FRMD4B: variants seen among roughly 807,000 people sequenced by gnomAD.
FRMD4B encodes the protein FERM domain-containing protein 4B.
In FRMD4B, 74 loss-of-function variants were observed where a neutral mutation model predicts 141.5. The observed-to-expected ratio is 0.52, with a 90% CI of 0.43 to 0.63. The LOEUF (loss-of-function observed/expected upper bound fraction) is 0.63, where lower values mean the gene tolerates loss of function less well. FRMD4B is among the 30% of genes least tolerant of loss of function. The pLI, the probability that FRMD4B is intolerant of heterozygous loss-of-function variation, is 0.00. For synonymous variants in FRMD4B, 506 were observed against 467.9 expected (o/e 1.08, Z -1.05); for missense variants, 1,366 against 1,253.4 (o/e 1.09, Z -1.36).
intron 5 of FRMD4B, among the ~76,000 whole-genome samples, chr3:69,255,648 T>G (rs1191155446): frequency 6.6e-6 from 1 of 152,162 alleles, no homozygotes; most frequent in African/African-American, 2.4e-5. Context: ...GAGCAGACAA[T>G]TCCATTATCT....
In FRMD4B at chr3:69,195,271, T is replaced by C. The variant is rs977125596; in HGVS notation, c.1328A>G (p.Lys443Arg). Residue 443 changes from lysine (K) to arginine (R), a missense_variant, in exon 15 of 23, where the codon AAA becomes AGA. Lys to Arg is a conservative substitution (Grantham distance 26). Coordinates refer to ENST00000398540, the MANE Select transcript of FRMD4B (RefSeq NM_015123.3). ...KEKLLQEKLL[K>R]KVEELKKICL... Reference sequence around the variant, plus strand: ...GATCTTCTTAAGCTCCTCAACTTTTTTCAGAAGTTTTTCTTGTAATAGTTT... The same window carrying C: ...GATCTTCTTAAGCTCCTCAACTTTTCTCAGAAGTTTTTCTTGTAATAGTTT... 9.9e-6 allele frequency: 16 copies of C among 1,613,318 alleles called. No individual in the cohort carries two copies. Among genetic ancestry groups the C allele is most frequent in the Non-Finnish European group, 1.4e-5 (16 of 1,179,698 alleles).
At chr3:69,426,626 G>A (rs938710868) in intron 2 of FRMD4B, among the ~76,000 whole-genome samples, 1 of 152,198 alleles carries the variant, frequency 6.6e-6, no homozygotes, top group African/African-American at 2.4e-5. Context: ...AGGACTAGAA[G>A]ATTCACAGGA....
At chr3:69,441,217 G>C (rs7610438) in intron 1 of FRMD4B, among the ~76,000 whole-genome samples, 63,692 of 151,986 alleles carry the variant, frequency 0.42, 15,227 homozygotes, top group African/African-American at 0.66. Context: ...TTTATTGTAT[G>C]TTCTGTTAGT....
In FRMD4B at chr3:69,221,867, G is replaced by A. The variant is rs770467379; in HGVS notation, c.722C>T (p.Ala241Val). The change falls in exon 9 of 23, where the codon GCT becomes GTT. Residue 241 changes from alanine to valine, a missense_variant. Transcript: ENST00000398540. ...AAGGAAAGATACTTACTGAACCACAGCTTGACCTCGAGTGAGACCTTTGAT... is the reference window on the plus strand; with the variant it reads ...AAGGAAAGATACTTACTGAACCACAACTTGACCTCGAGTGAGACCTTTGAT... ...LKIKGLTRGQ[A>V]VVQYMKIVEA... The A allele has an allele frequency of 3.3e-6, 5 of 1,535,442 alleles. No individual in the cohort carries two copies. The African/African-American group carries it at 6.8e-5, about 21-fold the overall frequency.
At chr3:69,246,851 G>C (rs2093429048) in intron 7 of FRMD4B, among the ~76,000 whole-genome samples, 1 of 152,186 alleles carries the variant, frequency 6.6e-6, no homozygotes, top group Non-Finnish European at 1.5e-5. Flanking sequence ...GACTGGGCTT[G>C]CCCAGAATTA....
At chr3:69,255,420 C>G (rs889249895) in intron 5 of FRMD4B, among the ~76,000 whole-genome samples, 3 of 152,124 alleles carry the variant, frequency 2.0e-5, no homozygotes, top group Admixed American at 2.0e-4. Flanking sequence ...TGGTATATGC[C>G]TGTAGTCCTA....
chr3:69,445,143 G>C (rs1410327515), intron 1 of FRMD4B, among the ~76,000 whole-genome samples: 1 of 152,178 alleles, frequency 6.6e-6, no homozygotes, highest in African/African-American at 2.4e-5. Context: ...CAGCCAGAAA[G>C]GGTTTGGAGC....
At chr3:69,329,516 A>ATTTTTTTTT (rs10554375) in intron 1 of FRMD4B, among the ~76,000 whole-genome samples, 8 of 55,574 alleles carry the variant, frequency 1.4e-4, no homozygotes, top group African/African-American at 1.8e-4. Context: ...TGCCCAGCTA[A>ATTTTTTTTT]TTTTTTTTTT....
At position 69,456,293 on chromosome 3, in the gene FRMD4B, T is replaced by G. The variant is rs545870749; in HGVS notation, c.-128-23532A>C. ...ACCGAGGTAGAAGTGTAAGTTGATG[T>G]AAGTTTTCGAGAAAGCAGTTTGATC... On this transcript the variant is annotated intron_variant, in intron 1 of 5. Transcript: ENST00000459638. Among the ~76,000 whole-genome samples, 8 of 152,302 alleles carry G rather than the reference T, an allele frequency of 5.3e-5. No homozygotes were observed. In the South Asian group the frequency reaches 1.7e-3, roughly 32 times the overall value.
At chr3:69,456,140 A>C (rs1705607253) in intron 1 of FRMD4B, among the ~76,000 whole-genome samples, 2 of 151,812 alleles carry the variant, frequency 1.3e-5, no homozygotes. Flanking sequence ...CCCCAGAGAC[A>C]AAACATCTGA....
At chr3:69,411,718 C>T (rs1275509750) in intron 2 of FRMD4B, among the ~76,000 whole-genome samples, 1 of 152,210 alleles carries the variant, frequency 6.6e-6, no homozygotes, top group Admixed American at 6.5e-5. Flanking sequence ...TCCTGGATAA[C>T]TGCCTAGGGA....
intron 1 of FRMD4B, among the ~76,000 whole-genome samples, chr3:69,479,694 C>G (rs965491529): frequency 6.6e-6 from 1 of 152,130 alleles, no homozygotes; most frequent in Non-Finnish European, 1.5e-5. Flanking sequence ...CTTGGAGTTG[C>G]TCTTCTCAAA....
At position 69,296,200 on chromosome 3, in the gene FRMD4B, C is replaced by A. The variant is rs150637389; in HGVS notation, c.416+6143G>T. ...ACACACACACACAGACAGACAAACG[C>A]ACACATCCTTTAAGCATTCATGGCC... On this transcript the variant is annotated intron_variant, in intron 4 of 22. Transcript: ENST00000398540. Among the ~76,000 whole-genome samples, 1,429 of 152,212 alleles carry A rather than the reference C, an allele frequency of 9.4e-3. 28 individuals carry two copies. The highest frequency in any genetic ancestry group is 0.033 in the African/African-American group (1,355 of 41,526).
intron 1 of FRMD4B, among the ~76,000 whole-genome samples, chr3:69,356,460 A>G (rs1048376738): frequency 5.3e-5 from 8 of 151,922 alleles, no homozygotes; most frequent in African/African-American, 1.2e-4. Flanking sequence ...TCAGACTCCA[A>G]GTTCTTCAGT....
At chr3:69,482,856 G>A (rs1474103663) in intron 1 of FRMD4B, among the ~76,000 whole-genome samples, 2 of 152,098 alleles carry the variant, frequency 1.3e-5, no homozygotes, top group Non-Finnish European at 2.9e-5. Flanking sequence ...TAACCACTTT[G>A]AATTAATATG....
At chr3:69,508,906 C>T (rs141451387) in intron 1 of FRMD4B, among the ~76,000 whole-genome samples, 15 of 152,332 alleles carry the variant, frequency 9.8e-5, no homozygotes, top group African/African-American at 3.4e-4. Flanking sequence ...GAGCACAGGA[C>T]AATCTCAAGA....
upstream of FRMD4B, among the ~76,000 whole-genome samples, chr3:69,391,010 T>C (rs1031181852): frequency 2.6e-5 from 4 of 152,166 alleles, no homozygotes; most frequent in Non-Finnish European, 5.9e-5. Flanking sequence ...GCAAAAGAAA[T>C]GAAGCAATCA....
chr3:69,419,557 T>C (rs1433807688), intron 2 of FRMD4B, among the ~76,000 whole-genome samples: 1 of 152,094 alleles, frequency 6.6e-6, no homozygotes, highest in East Asian at 1.9e-4. Context: ...TGTCTAAACT[T>C]GATACCAAAA....
At chr3:69,215,761 A>G (rs1460650179) in intron 11 of FRMD4B, among the ~76,000 whole-genome samples, 1 of 152,244 alleles carries the variant, frequency 6.6e-6, no homozygotes, top group Non-Finnish European at 1.5e-5. Context: ...TTTATTATTC[A>G]TTTATATGTC....
Sources: allele counts gnomAD v4.1 joint callset (sites outside exome capture counted in the v4.1 genomes callset), GRCh38; gene constraint gnomAD v4.1.1; transcripts MANE v1.5; gene names NCBI Gene and HGNC (gene_info 2026-07-23, HGNC 2026-07-21).